Variants in CCDC149 observed in about 807,000 individuals in gnomAD.
The protein encoded by CCDC149 is coiled-coil domain-containing protein 149.
Under a neutral mutation model 59.9 loss-of-function variants are expected in CCDC149, and 45 were observed. That is an observed-to-expected ratio of 0.75 (90% CI 0.59 to 0.96). CCDC149 has a LOEUF of 0.96. Ranked by LOEUF, CCDC149 falls within the 40% of genes least tolerant of loss-of-function variation. The pLI is 0.00. For synonymous variants in CCDC149, 245 were observed against 260.6 expected (o/e 0.94, Z 0.58); for missense variants, 584 against 664.7 (o/e 0.88, Z 1.33).
At chr4:24,864,344 A>C (rs1046533622) in intron 3 of CCDC149, among the ~76,000 whole-genome samples, 2 of 152,214 alleles carry the variant, frequency 1.3e-5, no homozygotes, top group Non-Finnish European at 2.9e-5. Flanking sequence ...CCACTATTGT[A>C]GAAACTAAGA....
rs141433158 is a variant in CCDC149 at position 24,862,278 on chromosome 4, C to T, written c.265-9099G>A. 4.2e-4 allele frequency among the ~76,000 whole-genome samples: 64 copies of T among 152,258 alleles called. 1 individual carries two copies. The East Asian group carries it at 9.6e-3, about 23-fold the overall frequency. ...GCTGAGATAGTAAGTGTGCACACTC[C>T]GTGGAGGGCCATAAAAACAGCAAAG... is the stretch of plus-strand genomic sequence containing the variant. On this transcript the variant is annotated intron_variant, in intron 3 of 12. Coordinates refer to ENST00000635206, the MANE Select transcript of CCDC149 (RefSeq NM_001330643.2).
intron 1 of CCDC149, among the ~76,000 whole-genome samples, chr4:24,942,175 A>G (rs1367867895): frequency 6.6e-6 from 1 of 152,172 alleles, no homozygotes; most frequent in Non-Finnish European, 1.5e-5. Context: ...AAATCCAGCA[A>G]CACATCAAAA....
intron 3 of CCDC149, among the ~76,000 whole-genome samples, chr4:24,868,071 C>G (rs1310365018): frequency 6.6e-6 from 1 of 152,216 alleles, no homozygotes; most frequent in African/African-American, 2.4e-5. Context: ...GTAAATACTT[C>G]CCCTGCTGTT....
At position 24,912,501 on chromosome 4, in the gene CCDC149, C is replaced by A. The variant is rs576292748; in HGVS notation, c.63+316G>T. Among the ~76,000 whole-genome samples the A allele has an allele frequency of 2.0e-5, 3 of 152,236 alleles. No individual in the cohort carries two copies. In the East Asian group the frequency reaches 5.9e-4, roughly 30 times the overall value. On this transcript the variant is annotated intron_variant, in intron 1 of 12. Coordinates refer to ENST00000635206, the MANE Select transcript of CCDC149 (RefSeq NM_001330643.2). ...TCCACAACAGTGGCGAGCGGGCAGG[C>A]AGGTGGGGCTTGGCACCTTCTGCTC...
chr4:24,906,675 G>C, intron 1 of CCDC149, among the ~76,000 whole-genome samples: 1 of 152,054 alleles, frequency 6.6e-6, no homozygotes, highest in East Asian at 1.9e-4. Flanking sequence ...TGGGATTATA[G>C]ACATGGGCCA....
chr4:24,914,847 A>C (rs1161744574), upstream of CCDC149, among the ~76,000 whole-genome samples: 3 of 152,222 alleles, frequency 2.0e-5, no homozygotes, highest in Non-Finnish European at 4.4e-5. Flanking sequence ...CCCTGGCATC[A>C]TAATCTAAAG....
chr4:24,812,707 C>G (rs1714703452), intron 12 of CCDC149, among the ~76,000 whole-genome samples: 2 of 152,152 alleles, frequency 1.3e-5, no homozygotes, highest in African/African-American at 4.8e-5. Flanking sequence ...AATGGACTCA[C>G]AGTTCCACAT....
chr4:24,819,816 A>G (rs764469157), intron 12 of CCDC149, 43 bp downstream of exon 12: 12 of 1,391,518 alleles, frequency 8.6e-6, no homozygotes, highest in Non-Finnish European at 1.2e-5. Flanking sequence ...CCTCTGTGGC[A>G]GGCACAGTCC....
rs1173983852 is a variant in CCDC149 at position 24,959,230 on chromosome 4, T to C, written c.-65+20839A>G. On this transcript the variant is annotated intron_variant, in intron 1 of 12. Coordinates refer to the CCDC149 transcript ENST00000389609. ...ACCTTGTGATCCATCCGCCTCAGCC[T>C]CCCAAAGTGCTGGGATTACAGGCGT... is the stretch of plus-strand genomic sequence containing the variant. Among the ~76,000 whole-genome samples the C allele has an allele frequency of 3.3e-5, 5 of 152,146 alleles. No individual in the cohort carries two copies. The East Asian group carries it at 9.7e-4, about 29-fold the overall frequency.
At chr4:24,917,539 C>G (rs1435118695), upstream of CCDC149, among the ~76,000 whole-genome samples, 1 of 152,046 alleles carries the variant, frequency 6.6e-6, no homozygotes, top group Non-Finnish European at 1.5e-5. Flanking sequence ...ACTAAGATGT[C>G]AGGAGAAAGG....
intron 1 of CCDC149, among the ~76,000 whole-genome samples, chr4:24,881,653 TG>T (rs1315986355): frequency 1.3e-5 from 2 of 152,178 alleles, no homozygotes; most frequent in Admixed American, 6.5e-5. Context: ...TGGGACTGTC[TG>T]GGGGGGAGAA....
Position 24,893,613 on chromosome 4 carries a change from C to CTTTTTTTTTTTTTTTTTTTTTTT in CCDC149, c.64-16917_64-16916insAAAAAAAAAAAAAAAAAAAAAAA, listed in dbSNP as rs3066508. ...CTTCTAGCACAATCTAAAATACAGACTTTTTTTTTTTTTTTTTTTTTGAGA... is the reference window on the plus strand; with the variant it reads ...CTTCTAGCACAATCTAAAATACAGACTTTTTTTTTTTTTTTTTTTTTTTTTTTTTTTTTTTTTTTTTTTTGAGA... On this transcript the variant is annotated intron_variant, in intron 1 of 12. Transcript: ENST00000635206. Among the ~76,000 whole-genome samples the CTTTTTTTTTTTTTTTTTTTTTTT allele has an allele frequency of 1.8e-3, 120 of 65,874 alleles. 39 individuals carry two copies. The highest frequency in any genetic ancestry group is 4.1e-3 in the East Asian group (7 of 1,700). The allele number at this position is 65,874 out of a possible 152,430, so 43.2% of individuals were successfully genotyped here. A position where few individuals can be genotyped will look rare whatever the true frequency, so the allele number is the denominator to read the frequency against.
chr4:24,881,993 C>A (rs1719868234), intron 1 of CCDC149, among the ~76,000 whole-genome samples: 1 of 152,076 alleles, frequency 6.6e-6, no homozygotes, highest in Non-Finnish European at 1.5e-5. Flanking sequence ...TGTGCCCCAC[C>A]CCCAAAAATC....
At chr4:24,972,800 C>T (rs1308583006) in intron 1 of CCDC149, among the ~76,000 whole-genome samples, 2 of 152,338 alleles carry the variant, frequency 1.3e-5, no homozygotes, top group African/African-American at 4.8e-5. Context: ...ATTTGTCACA[C>T]TTTGAAATAG....
At chr4:24,864,033 A>AGAT (rs1718537306) in intron 3 of CCDC149, among the ~76,000 whole-genome samples, 1 of 152,158 alleles carries the variant, frequency 6.6e-6, no homozygotes, top group Non-Finnish European at 1.5e-5. Context: ...CCTTGCTGAG[A>AGAT]GATCTTTTGT....
In CCDC149 at chr4:24,895,018, C is replaced by T. The variant is rs896749382; in HGVS notation, c.63+17799G>A. The T allele has an allele frequency of 1.9e-5, 29 of 1,528,336 alleles. 1 individual carries two copies. The highest frequency in any genetic ancestry group is 1.2e-4 in the African/African-American group (9 of 72,864). The allele number at this position is 1,528,336 out of a possible 1,614,324, so 94.7% of individuals were successfully genotyped here. ...TCAGAATCCCAAGTGGCCGCTCTGG[C>T]GATGATGATGATGATGACGACGACG... On this transcript the variant is annotated intron_variant, in intron 1 of 12. Transcript: ENST00000635206.
chr4:24,831,771 A>G, intron 8 of CCDC149, 121 bp from the exon 9 acceptor site: 1 of 817,192 alleles, frequency 1.2e-6, no homozygotes, highest in Non-Finnish European at 1.8e-6. Flanking sequence ...ACTATGTTGT[A>G]TTGAGAGTCC....
At chr4:24,967,882 G>T (rs950581182) in intron 1 of CCDC149, among the ~76,000 whole-genome samples, 2 of 151,998 alleles carry the variant, frequency 1.3e-5, no homozygotes, top group African/African-American at 4.8e-5. Flanking sequence ...GTAAGACAAA[G>T]GCCATCCCAG....
intron 1 of CCDC149, among the ~76,000 whole-genome samples, chr4:24,927,183 G>A (rs1722454178): frequency 6.6e-6 from 1 of 152,182 alleles, no homozygotes; most frequent in East Asian, 1.9e-4. Flanking sequence ...GCCATCTTTC[G>A]AAAATATAAT....
Sources: allele counts gnomAD v4.1 joint callset (sites outside exome capture counted in the v4.1 genomes callset), GRCh38; gene constraint gnomAD v4.1.1; transcripts MANE v1.5; gene names NCBI Gene and HGNC (gene_info 2026-07-23, HGNC 2026-07-21).